The following TRIM49B variants were observed in gnomAD, a reference collection of about 807,000 sequenced individuals.
TRIM49B encodes the protein tripartite motif containing 49B.
In TRIM49B, 18 loss-of-function variants were observed where a neutral mutation model predicts 31.8. That is an observed-to-expected ratio of 0.57 (90% CI 0.39 to 0.84). TRIM49B has a LOEUF of 0.84. Ranked by LOEUF, TRIM49B falls within the 40% of genes least tolerant of loss-of-function variation. TRIM49B has a pLI of 0.00. For synonymous variants in TRIM49B, 196 were observed against 180.6 expected (o/e 1.09, Z -0.68); for missense variants, 494 against 538.7 (o/e 0.92, Z 0.82).
At chr11:49,037,091 G>T (rs893292174) in intron 6 of TRIM49B, among the ~76,000 whole-genome samples, 1 of 152,146 alleles carries the variant, frequency 6.6e-6, no homozygotes, top group African/African-American at 2.4e-5. Flanking sequence ...GATACCTAGA[G>T]CAGTTCTAGA....
At chr11:49,035,044 A>G in intron 4 of TRIM49B, 51 bp from the exon 5 acceptor site, 5 of 1,603,478 alleles carry the variant, frequency 3.1e-6, no homozygotes, top group Non-Finnish European at 4.3e-6. Context: ...ACTTAGTGAA[A>G]GATGCATCTT....
chr11:49,030,145 C>T (rs1854427019), intron 1 of TRIM49B, among the ~76,000 whole-genome samples: 1 of 152,068 alleles, frequency 6.6e-6, no homozygotes, highest in African/African-American at 2.4e-5. Context: ...TGCAGCCTGG[C>T]CAAGATGGCA....
At chr11:49,035,420 C>T (rs1435244591) in intron 5 of TRIM49B, among the ~76,000 whole-genome samples, 1 of 129,240 alleles carries the variant, frequency 7.7e-6, no homozygotes, top group Non-Finnish European at 1.5e-5. Context: ...AGTGCAATGG[C>T]GCGATCTCGG....
intron 3 of TRIM49B, among the ~76,000 whole-genome samples, chr11:49,033,649 A>G (rs1854482177): frequency 6.6e-6 from 1 of 152,172 alleles, no homozygotes; most frequent in African/African-American, 2.4e-5. Context: ...AAGGAAATGA[A>G]TTCAGGGAGA....
chr11:49,032,199 T>C (rs868743196), intron 2 of TRIM49B, 77 bp from the exon 3 acceptor site: 9 of 1,611,060 alleles, frequency 5.6e-6, no homozygotes, highest in African/African-American at 2.7e-5. Flanking sequence ...TTACTAGGGG[T>C]TTATTTGTCT....
chr11:49,034,146 G>T lies in TRIM49B; in HGVS notation c.508G>T (p.Asp170Tyr), dbSNP rs1247623593. The T allele has an allele frequency of 7.4e-6, 12 of 1,611,690 alleles. No homozygotes were observed. The Middle Eastern group carries it at 6.7e-4, about 91-fold the overall frequency. ...TTTGACTAACCCATTATCACTGCAG[G>T]ATTATGTGAATTTAAGGCTAGAAGC... ...VETTRTRCWK[D>Y]YVNLRLEAIR... The change falls in exon 4 of 7, where the codon GAT becomes TAT. Residue 170 changes from aspartate (D) to tyrosine (Y), a missense_variant and splice_region_variant. By Grantham distance (160) the Asp-to-Tyr change is radical. Transcript: ENST00000332682.
In TRIM49B at chr11:49,031,882, A is replaced by G. The variant is rs1335924469; in HGVS notation, c.283A>G (p.Thr95Ala). Residue 95 changes from threonine to alanine, a missense_variant, in exon 2 of 7, where the codon ACT (threonine) becomes GCT (alanine). This residue lies in a region of TRIM49B where 251 missense variants were observed against 232.8 expected (regional missense o/e 1.08). Transcript: ENST00000332682. Reference sequence around the variant, plus strand: ...GAGCTCTGAGGAGCAAATGTGTGGCACTCACAGGGAGACAAAGAAGATGTT... The same window carrying G: ...GAGCTCTGAGGAGCAAATGTGTGGCGCTCACAGGGAGACAAAGAAGATGTT... The part of the protein sequence containing the change: ...FLSSEEQMCG[T>A]HRETKKMFCE... The G allele has an allele frequency of 1.9e-6, 3 of 1,613,410 alleles. No homozygotes were observed. The highest frequency in any genetic ancestry group is 3.6e-4 in the Middle Eastern group (2 of 5,612).
rs763338169 is a variant in TRIM49B, at chr11:49,032,007, C to T, written c.408C>T (p.His136=). Reference sequence around the variant, plus strand: ...CCATTGAGTCGGCTGCTGAGGAACACCAGGTAAGTGATGGCTCTGAAGATC... The same window carrying T: ...CCATTGAGTCGGCTGCTGAGGAACATCAGGTAAGTGATGGCTCTGAAGATC... ...HCPIESAAEE[H]QEKLLQKMQS... is the part of the protein sequence containing the mutation. Residue 136 remains histidine (H), a synonymous_variant, in exon 2 of 7, where the codon CAC becomes CAT. Transcript: ENST00000332682. The T allele has an allele frequency of 5.6e-5, 91 of 1,611,958 alleles. No homozygotes were observed. The highest frequency in any genetic ancestry group is 3.2e-4 in the Admixed American group (19 of 60,014).
intron 6 of TRIM49B, among the ~76,000 whole-genome samples, chr11:49,036,899 T>C (rs1470673567): frequency 6.6e-6 from 1 of 152,178 alleles, no homozygotes; most frequent in Non-Finnish European, 1.5e-5. Flanking sequence ...TTTGTGAATA[T>C]AAGTAAAATT....
rs748846503 is a variant in TRIM49B, at chr11:49,031,620, G to C, written c.21G>C (p.Gln7His). The C allele has an allele frequency of 3.7e-6, 6 of 1,613,720 alleles. No homozygotes were observed. Among genetic ancestry groups the C allele is most frequent in the South Asian group, 1.1e-5 (1 of 91,062 alleles). Residue 7 changes from glutamine to histidine, a missense_variant, in exon 2 of 7, where the codon CAG becomes CAC. By Grantham distance (24) the Gln-to-His change is conservative. Transcript: ENST00000332682. ...GAAACATGAATTCTGGAATCTTACA[G>C]GTCTTTCAGAGGGAACTCATCTGCC... MNSGIL[Q>H]VFQRELICPI...
At chr11:49,034,505 T>A in intron 4 of TRIM49B, 129 bp downstream of exon 4, 2 of 1,591,014 alleles carry the variant, frequency 1.3e-6, no homozygotes, top group Non-Finnish European at 8.6e-7. Flanking sequence ...ACATAACTAA[T>A]GCTACTTTGT....
chr11:49,034,047 T>C (rs1479649786), intron 3 of TRIM49B, 99 bp from the exon 4 acceptor site: 4 of 1,598,212 alleles, frequency 2.5e-6, no homozygotes, highest in Non-Finnish European at 3.4e-6. Flanking sequence ...AAGACAGAGG[T>C]TTGAACTATT....
At chr11:49,030,268 C>G (rs186842557) in intron 1 of TRIM49B, among the ~76,000 whole-genome samples, 1 of 151,836 alleles carries the variant, frequency 6.6e-6, no homozygotes, top group Non-Finnish European at 1.5e-5. Flanking sequence ...AACCTGGAGG[C>G]GCAGGTTACA....
chr11:49,030,285 C>T (rs1006408441), intron 1 of TRIM49B, among the ~76,000 whole-genome samples: 2 of 151,980 alleles, frequency 1.3e-5, no homozygotes, highest in African/African-American at 4.8e-5. Flanking sequence ...TACAGTGAGC[C>T]GAGATCACGC....
At chr11:49,036,813 T>A (rs1438477362) in intron 6 of TRIM49B, among the ~76,000 whole-genome samples, 1 of 152,176 alleles carries the variant, frequency 6.6e-6, no homozygotes, top group Non-Finnish European at 1.5e-5. Flanking sequence ...GGGTTTTGTA[T>A]TTTTTTAATG....
chr11:49,034,001 G>T (rs985260868), intron 3 of TRIM49B, 145 bp from the exon 4 acceptor site: 5 of 1,382,078 alleles, frequency 3.6e-6, no homozygotes. Flanking sequence ...GCAGAAAAAA[G>T]GAAAGGAACA....
chr11:49,036,381 G>T lies in TRIM49B; in HGVS notation c.842G>T (p.Arg281Met). The part of the protein sequence containing the change: ...SAGPITGLRD[R>M]LNQFRVHITL... Reference sequence around the variant, plus strand: ...GGGCCCATCACTGGACTGAGGGACAGGCTCAACCAATTCCGAGGTAAGTCT... The same window carrying T: ...GGGCCCATCACTGGACTGAGGGACATGCTCAACCAATTCCGAGGTAAGTCT... Residue 281 changes from arginine to methionine, a missense_variant, in exon 6 of 7, where the codon AGG (arginine) becomes ATG (methionine). By Grantham distance (91) the Arg-to-Met change is moderately conservative (BLOSUM62 -1). Around this residue, in one of 3 missense-constraint regions of TRIM49B, gnomAD observed 233 missense variants for 281.4 expected, o/e 0.83. Coordinates refer to ENST00000332682, the MANE Select transcript of TRIM49B (RefSeq NM_001206626.2). The T allele has an allele frequency of 6.4e-7, 1 of 1,565,118 alleles. No individual in the cohort carries two copies. Among genetic ancestry groups the T allele is most frequent in the South Asian group, 1.2e-5 (1 of 86,854 alleles).
chr11:49,034,212 G>A lies in TRIM49B; in HGVS notation c.574G>A (p.Glu192Lys). 1 of 1,611,882 alleles carries A rather than the reference G, an allele frequency of 6.2e-7. No individual in the cohort carries two copies. The highest frequency in any genetic ancestry group is 1.1e-5 in the South Asian group (1 of 90,978). ...EYQKMPAFHH[E>K]EEKHNLEMLK... The stretch of plus-strand genomic sequence containing the variant: ...TCAGAAGATGCCTGCATTTCACCAT[G>A]AAGAAGAAAAACATAATTTGGAGAT... Residue 192 changes from glutamate to lysine, a missense_variant, in exon 4 of 7, where the codon GAA (glutamate) becomes AAA (lysine). Physicochemically the swap from Glu to Lys is moderately conservative, Grantham distance 56. This residue lies in a region of TRIM49B where 251 missense variants were observed against 232.8 expected (regional missense o/e 1.08). Transcript: ENST00000332682.
chr11:49,032,697 C>T (rs986267422), intron 3 of TRIM49B, among the ~76,000 whole-genome samples: 27 of 151,782 alleles, frequency 1.8e-4, no homozygotes, highest in Non-Finnish European at 3.5e-4. Flanking sequence ...AAATGTTAGG[C>T]AAAAGGGTTA....
Sources: gnomAD v4.1 joint callset for allele counts (sites outside exome capture counted in the v4.1 genomes callset) on GRCh38, gnomAD v4.1.1 for gene constraint, gnomAD v4.1.1 regional missense constraint, MANE v1.5 for transcripts, NCBI Gene and HGNC (gene_info 2026-07-23, HGNC 2026-07-21) for gene names.